Variants in KHDRBS2 observed in about 807,000 individuals in gnomAD.
KHDRBS2 encodes KH domain-containing, RNA-binding, signal transduction-associated protein 2.
In KHDRBS2, 26 loss-of-function variants were observed where a neutral mutation model predicts 44.3. The ratio of observed to expected loss-of-function variants is 0.59; its 90% CI spans 0.43 to 0.81. KHDRBS2 has a LOEUF of 0.81. Among genes scored for constraint, KHDRBS2 ranks in the 40% least tolerant of loss-of-function variants. KHDRBS2 has a pLI of 0.00. For missense variants in KHDRBS2, 476 were observed against 433.1 expected (o/e 1.10, Z -0.88); for synonymous variants, 194 against 151.1 (o/e 1.28, Z -2.08).
chr6:61,985,634 C>T (rs1774918179), intron 3 of KHDRBS2, among the ~76,000 whole-genome samples: 1 of 152,126 alleles, frequency 6.6e-6, no homozygotes, highest in African/African-American at 2.4e-5. Flanking sequence ...ATGACATCAG[C>T]TCAAGTTGGA....
At chr6:62,153,673 A>G (rs1047318093) in intron 2 of KHDRBS2, among the ~76,000 whole-genome samples, 13 of 152,178 alleles carry the variant, frequency 8.5e-5, no homozygotes, top group Non-Finnish European at 1.9e-4. Flanking sequence ...GCTTACTTAC[A>G]TCATGGTGAG....
intron 1 of KHDRBS2, among the ~76,000 whole-genome samples, chr6:62,200,612 T>C (rs893008522): frequency 2.0e-5 from 3 of 152,094 alleles, no homozygotes; most frequent in Admixed American, 1.3e-4. Flanking sequence ...TGTGGAGAAA[T>C]GGGAACATTT....
At chr6:62,201,840 T>C (rs1402819990) in intron 1 of KHDRBS2, among the ~76,000 whole-genome samples, 1 of 152,002 alleles carries the variant, frequency 6.6e-6, no homozygotes, top group South Asian at 2.1e-4. Flanking sequence ...ACAATAGACA[T>C]GTCAATGTTT....
intron 6 of KHDRBS2, among the ~76,000 whole-genome samples, chr6:61,782,009 A>T (rs1783002912): frequency 6.6e-6 from 1 of 152,040 alleles, no homozygotes; most frequent in Admixed American, 6.6e-5. Flanking sequence ...GGAATTTTGG[A>T]AGTGTTTTTT....
At chr6:62,210,072 T>A (rs901496041) in intron 1 of KHDRBS2, among the ~76,000 whole-genome samples, 3 of 152,136 alleles carry the variant, frequency 2.0e-5, no homozygotes, top group Admixed American at 1.3e-4. Context: ...ATCCTACTTG[T>A]TCTGTCCCTC....
intron 6 of KHDRBS2, among the ~76,000 whole-genome samples, chr6:61,775,417 C>G (rs1454086492): frequency 1.3e-5 from 2 of 152,008 alleles, no homozygotes; most frequent in East Asian, 1.9e-4. Flanking sequence ...AAAATCTCCT[C>G]AAGCTGATAA....
intron 6 of KHDRBS2, among the ~76,000 whole-genome samples, chr6:61,815,661 T>C (rs1308999029): frequency 6.6e-6 from 1 of 152,180 alleles, no homozygotes; most frequent in East Asian, 1.9e-4. Context: ...AACACTTCTA[T>C]CCCTGAAGTA....
intron 6 of KHDRBS2, among the ~76,000 whole-genome samples, chr6:61,848,314 C>T (rs1794706589): frequency 6.7e-6 from 1 of 149,762 alleles, no homozygotes; most frequent in Admixed American, 6.8e-5. Context: ...CATTCAAAAT[C>T]CTAGAGCTTG....
chr6:61,792,475 G>A (rs748702875), intron 6 of KHDRBS2, among the ~76,000 whole-genome samples: 2 of 151,498 alleles, frequency 1.3e-5, no homozygotes, highest in African/African-American at 2.4e-5. Context: ...TCTGTTGGTA[G>A]ATATACCAAT....
chr6:61,668,682 A>T, the KHDRBS2 span, among the ~76,000 whole-genome samples: 1 of 151,086 alleles, frequency 6.6e-6, no homozygotes, highest in Non-Finnish European at 1.5e-5. Context: ...TTTTCACATT[A>T]CTATCTGTTT....
At chr6:61,971,963 T>C (rs923562039) in intron 4 of KHDRBS2, among the ~76,000 whole-genome samples, 1 of 152,208 alleles carries the variant, frequency 6.6e-6, no homozygotes, top group Non-Finnish European at 1.5e-5. Flanking sequence ...GTGCCTGGCA[T>C]ATATTTGGTG....
At chr6:61,956,312 G>C (rs181792764) in intron 4 of KHDRBS2, among the ~76,000 whole-genome samples, 3 of 152,256 alleles carry the variant, frequency 2.0e-5, no homozygotes, top group Non-Finnish European at 2.9e-5. Context: ...TTATTGACTT[G>C]GTTTTTCTGT....
Position 62,046,717 on chromosome 6 carries a change from C to T in KHDRBS2, c.336+1161G>A, listed in dbSNP as rs549916285. On this transcript the variant is annotated intron_variant, in intron 3 of 8. Coordinates refer to ENST00000281156, the MANE Select transcript of KHDRBS2 (RefSeq NM_152688.4). ...TGTCTAGATGCTGGTGTGCTCACCTCTTAAATATTTGTAATATTTATTTTA... is the reference window on the plus strand; with the variant it reads ...TGTCTAGATGCTGGTGTGCTCACCTTTTAAATATTTGTAATATTTATTTTA... Among the ~76,000 whole-genome samples, 7 of 151,990 alleles carry T rather than the reference C, an allele frequency of 4.6e-5. No individual in the cohort carries two copies. In the South Asian group the frequency reaches 1.5e-3, roughly 32 times the overall value.
At chr6:61,921,205 G>A (rs545368593) in intron 4 of KHDRBS2, among the ~76,000 whole-genome samples, 182 of 152,042 alleles carry the variant, frequency 1.2e-3, no homozygotes, top group African/African-American at 3.8e-3. Context: ...ACAAGTCAAA[G>A]ATACAGGACA....
chr6:62,066,952 C>T (rs926112741), intron 2 of KHDRBS2, among the ~76,000 whole-genome samples: 3 of 151,382 alleles, frequency 2.0e-5, no homozygotes, highest in Non-Finnish European at 4.4e-5. Flanking sequence ...AAAGATATGC[C>T]TTTAGTTTCT....
chr6:61,618,250 G>C, the KHDRBS2 span, among the ~76,000 whole-genome samples: 3 of 152,130 alleles, frequency 2.0e-5, no homozygotes, highest in East Asian at 5.8e-4. Context: ...TTTGGGAAAT[G>C]ACTGTCTTTT....
At chr6:61,777,160 G>C (rs556127425) in intron 6 of KHDRBS2, among the ~76,000 whole-genome samples, 1 of 152,042 alleles carries the variant, frequency 6.6e-6, no homozygotes, top group East Asian at 1.9e-4. Flanking sequence ...AGGGGGGACG[G>C]GTAGCATTAG....
intron 1 of KHDRBS2, among the ~76,000 whole-genome samples, chr6:62,178,917 T>C (rs922943627): frequency 6.6e-6 from 1 of 151,582 alleles, no homozygotes; most frequent in Non-Finnish European, 1.5e-5. Flanking sequence ...AGTATGAACA[T>C]GTTTCATATA....
chr6:62,072,101 C>T (rs1474120696), intron 2 of KHDRBS2, among the ~76,000 whole-genome samples: 4 of 152,104 alleles, frequency 2.6e-5, no homozygotes, highest in Non-Finnish European at 5.9e-5. Flanking sequence ...CTCTTTGAAG[C>T]AATTGTGAAT....
Sources: allele counts gnomAD v4.1 joint callset (sites outside exome capture counted in the v4.1 genomes callset), GRCh38; gene constraint gnomAD v4.1.1; transcripts MANE v1.5; gene names NCBI Gene and HGNC (gene_info 2026-07-23, HGNC 2026-07-21).